Variants in ZFYVE26 observed in about 807,000 individuals in gnomAD.
The protein encoded by ZFYVE26 is zinc finger FYVE domain-containing protein 26.
Under a neutral mutation model 276.5 loss-of-function variants are expected in ZFYVE26, and 181 were observed. The observed-to-expected ratio is 0.65, with a 90% confidence interval of 0.58 to 0.74. The LOEUF (loss-of-function observed/expected upper bound fraction) is 0.74. ZFYVE26 is among the 30% of genes least tolerant of loss of function. The probability of loss-of-function intolerance (pLI) is 0.00; values close to 1 mark genes in which losing one functional copy is unlikely to be tolerated. For synonymous variants in ZFYVE26, 1,129 were observed against 1,203.1 expected (o/e 0.94, Z 1.27); for missense variants, 2,821 against 3,097.9 (o/e 0.91, Z 2.12).
chr14:67,736,765 TAGG>T (rs1566854625), intron 13 of ZFYVE26, among the ~76,000 whole-genome samples: 1 of 152,270 alleles, frequency 6.6e-6, no homozygotes, highest in South Asian at 2.1e-4. Context: ...GCAAATTTAT[TAGG>T]AGGACTGTTA....
chr14:67,769,161 C>T (rs1332998837), intron 29 of ZFYVE26, among the ~76,000 whole-genome samples: 3 of 152,254 alleles, frequency 2.0e-5, no homozygotes, highest in East Asian at 1.9e-4. Context: ...CTTCTAATTA[C>T]GGATTACAAG....
intron 19 of ZFYVE26, 103 bp from the exon 20 acceptor site, chr14:67,784,539 C>T: frequency 3.0e-6 from 3 of 1,000,336 alleles, no homozygotes; most frequent in East Asian, 4.8e-5. Context: ...AAGATGAAGA[C>T]AATATGGAGA....
chr14:67,766,267 C>G lies in ZFYVE26; in HGVS notation c.5971G>C (p.Val1991Leu). Reference protein sequence around the residue: ...QLLFSAKMMFVKAGQSQDLAL... With the variant: ...QLLFSAKMMFLKAGQSQDLAL... ...AAGTCTTGGCTCTGGCCGGCTTTGA[C>G]GAACATCATCTTGGCGCTGAACAGC... Residue 1991 changes from valine to leucine, a missense_variant, in exon 32 of 42, where the codon GTC becomes CTC. Coordinates refer to ENST00000347230, the MANE Select transcript of ZFYVE26 (RefSeq NM_015346.4). 6.2e-7 allele frequency: 1 copy of G among 1,614,080 alleles called. No individual in the cohort carries two copies. The highest frequency in any genetic ancestry group is 1.1e-5 in the South Asian group (1 of 91,076).
rs372529411 is a variant in ZFYVE26, at chr14:67,781,453, G to A, written c.4449C>T (p.Asp1483=). 2 of 1,614,076 alleles carry A rather than the reference G, an allele frequency of 1.2e-6. No individual in the cohort carries two copies. Among genetic ancestry groups the A allele is most frequent in the East Asian group, 2.2e-5 (1 of 44,898 alleles). ...LRSRLALQFV[D]RWPLESCLEI... ...CCAGGCATGACTCCAGGGGCCACCT[G>A]TCCACAAACTGTAGGGCCAGCCGAC... Residue 1483 remains aspartate (D), a synonymous_variant, in exon 22 of 42, where the codon GAC becomes GAT. Coordinates refer to ENST00000347230, the MANE Select transcript of ZFYVE26 (RefSeq NM_015346.4).
intron 13 of ZFYVE26, among the ~76,000 whole-genome samples, chr14:67,732,266 C>T (rs2038288786): frequency 6.6e-6 from 1 of 151,750 alleles, no homozygotes; most frequent in African/African-American, 2.4e-5. Flanking sequence ...GTGAGACCCC[C>T]ATCTCTACTA....
chr14:67,738,499 TA>T (rs886416121), intron 13 of ZFYVE26, among the ~76,000 whole-genome samples: 25 of 150,748 alleles, frequency 1.7e-4, no homozygotes, highest in Non-Finnish European at 3.1e-4. Context: ...ATCATTATAT[TA>T]AAAAAATAAT....
At chr14:67,790,249 G>T (rs372978635) in intron 15 of ZFYVE26, among the ~76,000 whole-genome samples, 69 of 152,324 alleles carry the variant, frequency 4.5e-4, no homozygotes, top group Middle Eastern at 3.4e-3. Flanking sequence ...TACATGGGAA[G>T]GAAATAAACT....
At chr14:67,730,936 T>C (rs1254083139) in intron 13 of ZFYVE26, among the ~76,000 whole-genome samples, 4 of 152,032 alleles carry the variant, frequency 2.6e-5, no homozygotes, top group Non-Finnish European at 5.9e-5. Context: ...GCTCAACCTA[T>C]AGTATAAAAA....
At position 67,747,249 on chromosome 14, in the gene ZFYVE26, C is replaced by T. The variant is rs866696253; in HGVS notation, c.*1187G>A. 1 of 152,240 alleles carries T rather than the reference C, an allele frequency of 6.6e-6. No homozygotes were observed. Among genetic ancestry groups the T allele is most frequent in the African/African-American group, 2.4e-5 (1 of 41,448 alleles). 9.4% of individuals were successfully genotyped at this position (152,240 alleles called of 1,614,324 possible). ...CAGTGCATATTAAAGAAGCACTTCA[C>T]CTAGTTTTCCACCAACCAGATGTGA... is the stretch of plus-strand genomic sequence containing the variant. On this transcript the variant is annotated 3_prime_UTR_variant, in exon 42 of 42. Transcript: ENST00000347230.
At chr14:67,802,311 T>G in intron 9 of ZFYVE26, 29 bp from the exon 10 acceptor site, 1 of 1,610,682 alleles carries the variant, frequency 6.2e-7, no homozygotes, top group Non-Finnish European at 8.5e-7. Flanking sequence ...CAGGCTGAAC[T>G]TGAGAGTTAA....
intron 13 of ZFYVE26, chr14:67,733,785 T>A (rs2038316620): frequency 6.2e-7 from 1 of 1,613,408 alleles, no homozygotes; most frequent in East Asian, 2.2e-5. Flanking sequence ...GGGCCCGAAA[T>A]AACAAAACAG....
At chr14:67,753,409 CTG>C (rs923634301) in intron 39 of ZFYVE26, among the ~76,000 whole-genome samples, 4 of 152,216 alleles carry the variant, frequency 2.6e-5, no homozygotes, top group Admixed American at 1.3e-4. Flanking sequence ...GCCATATTCC[CTG>C]TGAGAACCAG....
intron 35 of ZFYVE26, among the ~76,000 whole-genome samples, chr14:67,760,251 A>G (rs536071603): frequency 6.6e-6 from 1 of 152,328 alleles, no homozygotes; most frequent in South Asian, 2.1e-4. Flanking sequence ...GAAAAAAGTT[A>G]GCAACTCAAC....
intron 13 of ZFYVE26, among the ~76,000 whole-genome samples, chr14:67,732,282 C>A (rs534228576): frequency 1.5e-4 from 22 of 151,368 alleles, no homozygotes; most frequent in South Asian, 4.2e-4. Flanking sequence ...TACTAAAAAT[C>A]AAAAAATTAG....
chr14:67,784,262 C>T, intron 20 of ZFYVE26, 72 bp downstream of exon 20: 4 of 1,278,342 alleles, frequency 3.1e-6, no homozygotes, highest in Non-Finnish European at 4.6e-6. Context: ...AGCACCACCG[C>T]ACTGAGCCCT....
At position 67,761,362 on chromosome 14, in the gene ZFYVE26, C is replaced by T. The variant is rs369254983; in HGVS notation, c.6588+4G>A. 1.1e-5 allele frequency: 17 copies of T among 1,610,780 alleles called. No homozygotes were observed. The highest frequency in any genetic ancestry group is 1.4e-5 in the Non-Finnish European group (17 of 1,178,390). On this transcript the variant is annotated splice_donor_region_variant and intron_variant, in intron 35 of 41. Transcript: ENST00000347230. ...TGCCTTTTTGAGCTGTGTCCATGTC[C>T]CACCTTGTTGAGAAGGTGCAGAAGA...
At chr14:67,789,725 T>C (rs962909530) in intron 15 of ZFYVE26, 127 bp from the exon 16 acceptor site, 18 of 1,231,532 alleles carry the variant, frequency 1.5e-5, no homozygotes, top group East Asian at 2.4e-5. Flanking sequence ...TCATGTATAT[T>C]AGCACTATCA....
At chr14:67,801,047 G>T (rs2040068211) in intron 10 of ZFYVE26, among the ~76,000 whole-genome samples, 1 of 152,122 alleles carries the variant, frequency 6.6e-6, no homozygotes, top group Admixed American at 6.5e-5. Flanking sequence ...GACGTCAGGA[G>T]TTCGACACCA....
intron 8 of ZFYVE26, 136 bp downstream of exon 8, chr14:67,805,081 G>T (rs1041902428): frequency 1.2e-6 from 1 of 810,888 alleles, no homozygotes; most frequent in Non-Finnish European, 2.1e-6. Context: ...TTAATTGTTG[G>T]AACAATTTTT....
Sources: allele counts gnomAD v4.1 joint callset (sites outside exome capture counted in the v4.1 genomes callset), GRCh38; gene constraint gnomAD v4.1.1; transcripts MANE v1.5; gene names NCBI Gene and HGNC (gene_info 2026-07-23, HGNC 2026-07-21).